Variants in IL1RAPL1 observed in about 807,000 individuals in gnomAD.
The protein encoded by IL1RAPL1 is interleukin-1 receptor accessory protein-like 1.
A neutral mutation model predicts 48.4 loss-of-function variants in IL1RAPL1; 3 were observed. The ratio of observed to expected loss-of-function variants is 0.06; its 90% CI spans 0.03 to 0.16. IL1RAPL1 has a LOEUF of 0.16. Among genes scored for constraint, IL1RAPL1 ranks in the 10% least tolerant of loss-of-function variants. IL1RAPL1 has a pLI of 1.00. For synonymous variants in IL1RAPL1, 185 were observed against 187.7 expected, an observed-to-expected ratio of 0.99 and a Z score of 0.12; for missense variants, 349 against 530.6, an observed-to-expected ratio of 0.66 and a Z score of 3.36.
At chrX:29,683,122 C>A (rs1273107513) in intron 6 of IL1RAPL1, among the ~76,000 whole-genome samples, 2 of 112,146 alleles carry the variant, frequency 1.8e-5, no homozygotes. Context: ...GTAGACTCCA[C>A]AATCTTAGGG....
intron 5 of IL1RAPL1, among the ~76,000 whole-genome samples, chrX:29,568,919 ATGT>A (rs1278707637): frequency 1.8e-5 from 2 of 110,752 alleles, no homozygotes; most frequent in Non-Finnish European, 3.8e-5. Flanking sequence ...TAAAATAGAG[ATGT>A]TGTAGTCCTT....
chrX:29,314,499 A>AGATAAAT (rs1205600859), intron 3 of IL1RAPL1, among the ~76,000 whole-genome samples: 2 of 112,772 alleles, frequency 1.8e-5, no homozygotes, highest in Non-Finnish European at 3.8e-5. Flanking sequence ...TGTGTAGTTC[A>AGATAAAT]GATAAATGCA....
At chrX:29,182,025 C>T (rs750302673) in intron 2 of IL1RAPL1, among the ~76,000 whole-genome samples, 1 of 111,236 alleles carries the variant, frequency 9.0e-6, no homozygotes, top group East Asian at 2.8e-4. Context: ...ATGGCTCTGG[C>T]CTCTTAGATA....
intron 2 of IL1RAPL1, among the ~76,000 whole-genome samples, chrX:29,154,437 G>T (rs1478277308): frequency 1.8e-5 from 2 of 110,074 alleles, no homozygotes; most frequent in African/African-American, 6.6e-5. Context: ...TTACTCAGGA[G>T]GCTGAGGCAA....
chrX:29,556,786 A>G (rs1164275193), intron 5 of IL1RAPL1, among the ~76,000 whole-genome samples: 1 of 112,160 alleles, frequency 8.9e-6, no homozygotes, highest in African/African-American at 3.2e-5. Context: ...TGTATTTTCT[A>G]TTATATGTGC....
At chrX:29,927,604 T>C (rs1445607146) in intron 8 of IL1RAPL1, among the ~76,000 whole-genome samples, 2 of 111,827 alleles carry the variant, frequency 1.8e-5, no homozygotes, top group Non-Finnish European at 3.8e-5. Flanking sequence ...ACCCATTTCC[T>C]ATTTATCTCA....
intron 2 of IL1RAPL1, among the ~76,000 whole-genome samples, chrX:28,991,769 T>C (rs952351181): frequency 8.0e-5 from 9 of 112,609 alleles, no homozygotes; most frequent in African/African-American, 2.9e-4. Context: ...ATAACATTTT[T>C]CAAAATGCAA....
intron 6 of IL1RAPL1, among the ~76,000 whole-genome samples, chrX:29,809,576 T>C (rs1319358869): frequency 9.0e-6 from 1 of 111,378 alleles, no homozygotes; most frequent in East Asian, 2.8e-4. Context: ...CATCTTTTTT[T>C]TTCTAATTCA....
At chrX:28,690,075 T>C (rs1935159339) in intron 1 of IL1RAPL1, among the ~76,000 whole-genome samples, 2 of 111,248 alleles carry the variant, frequency 1.8e-5, no homozygotes, top group Non-Finnish European at 3.8e-5. Flanking sequence ...CAGGTAGTTT[T>C]GGCCATTGGG....
intron 9 of IL1RAPL1, among the ~76,000 whole-genome samples, chrX:29,947,151 T>C (rs755910150): frequency 8.9e-6 from 1 of 111,778 alleles, no homozygotes; most frequent in Non-Finnish European, 1.9e-5. Context: ...GTAGAACTTA[T>C]ACTAACAAAG....
intron 6 of IL1RAPL1, among the ~76,000 whole-genome samples, chrX:29,792,761 A>G (rs1929665495): frequency 9.0e-6 from 1 of 111,022 alleles, no homozygotes; most frequent in South Asian, 3.8e-4. Flanking sequence ...CCATTTAATC[A>G]TTATGCAAAA....
chrX:29,616,893 G>A (rs149638464), intron 5 of IL1RAPL1, among the ~76,000 whole-genome samples: 1,664 of 111,352 alleles, frequency 0.015, 42 homozygotes, highest in African/African-American at 0.052. Context: ...TCTATTATCA[G>A]TTTTTTTCTT....
intron 8 of IL1RAPL1, 115 bp from the exon 9 acceptor site, chrX:29,941,536 A>G: frequency 1.3e-6 from 1 of 764,902 alleles, no homozygotes; most frequent in Non-Finnish European, 2.0e-6. Context: ...GGGTTGTGTC[A>G]ACCCGTTAAC....
chrX:29,508,546 A>G (rs1432784490), intron 5 of IL1RAPL1, among the ~76,000 whole-genome samples: 1 of 112,067 alleles, frequency 8.9e-6, no homozygotes, highest in Non-Finnish European at 1.9e-5. Flanking sequence ...CCCAAAGAAA[A>G]AAAACAATGA....
chrX:28,994,964 A>G (rs1440999525), intron 2 of IL1RAPL1, among the ~76,000 whole-genome samples: 1 of 111,465 alleles, frequency 9.0e-6, no homozygotes, highest in African/African-American at 3.3e-5. Flanking sequence ...TCATGTTATT[A>G]TGTGGTGAAA....
At chrX:29,054,748 A>G (rs1274976684) in intron 2 of IL1RAPL1, among the ~76,000 whole-genome samples, 1 of 112,186 alleles carries the variant, frequency 8.9e-6, no homozygotes, top group Admixed American at 9.5e-5. Context: ...ATCTCAGCCT[A>G]GTGGCCTCCC....
intron 2 of IL1RAPL1, among the ~76,000 whole-genome samples, chrX:28,950,614 C>T (rs747018480): frequency 9.4e-6 from 1 of 106,299 alleles, no homozygotes; most frequent in Non-Finnish European, 1.9e-5. Context: ...CTTTTATTTC[C>T]TTGAGCAGTG....
chrX:29,630,258 A>G (rs919561785), intron 5 of IL1RAPL1, among the ~76,000 whole-genome samples: 1 of 111,298 alleles, frequency 9.0e-6, no homozygotes, highest in Admixed American at 9.6e-5. Context: ...CCACCTCCCG[A>G]AGACTCCCAT....
At chrX:29,605,542 A>C (rs1333538048) in intron 5 of IL1RAPL1, among the ~76,000 whole-genome samples, 1 of 110,873 alleles carries the variant, frequency 9.0e-6, no homozygotes, top group Non-Finnish European at 1.9e-5. Context: ...AGGATATCAG[A>C]TATTAGAGGA....
Sources: allele counts gnomAD v4.1 joint callset (sites outside exome capture counted in the v4.1 genomes callset), GRCh38; gene constraint gnomAD v4.1.1; transcripts MANE v1.5; gene names NCBI Gene and HGNC (gene_info 2026-07-23, HGNC 2026-07-21).